The following ST18 variants were observed in gnomAD, a reference collection of about 807,000 sequenced individuals.
ST18 encodes the protein ST18 C2H2C-type zinc finger transcription factor, also known as suppression of tumorigenicity 18 protein.
A neutral mutation model predicts 110.0 loss-of-function variants in ST18; 50 were observed. The observed-to-expected ratio is 0.45, with a 90% CI of 0.36 to 0.58. The LOEUF is 0.58. Among genes scored for constraint, ST18 ranks in the 20% least tolerant of loss-of-function variants. The pLI is 0.00. For missense variants in ST18, 1,306 were observed against 1,280.1 expected, an observed-to-expected ratio of 1.02 and a Z score of -0.31; for synonymous variants, 461 against 452.4, an observed-to-expected ratio of 1.02 and a Z score of -0.24.
intron 14 of ST18, among the ~76,000 whole-genome samples, chr8:52,160,245 T>A (rs765259976): frequency 6.6e-6 from 1 of 152,188 alleles, no homozygotes; most frequent in Non-Finnish European, 1.5e-5. Flanking sequence ...TATAAAACTG[T>A]GTGTGTACAA....
chr8:52,373,557 A>G (rs1331191482), intron 2 of ST18, among the ~76,000 whole-genome samples: 1 of 151,790 alleles, frequency 6.6e-6, no homozygotes, highest in Admixed American at 6.6e-5. Flanking sequence ...ACTCCACACA[A>G]GCCAATTTCC....
At chr8:52,247,263 G>C (rs1343039759) in intron 2 of ST18, among the ~76,000 whole-genome samples, 1 of 152,112 alleles carries the variant, frequency 6.6e-6, no homozygotes, top group Non-Finnish European at 1.5e-5. Flanking sequence ...CTGTCAAGTA[G>C]ATAAAGCCAT....
chr8:52,226,306 G>A (rs1359479152), intron 3 of ST18, among the ~76,000 whole-genome samples: 1 of 152,030 alleles, frequency 6.6e-6, no homozygotes, highest in Non-Finnish European at 1.5e-5. Flanking sequence ...CTTTGGGGTG[G>A]CATTTTTAAC....
chr8:52,172,683 A>G, intron 9 of ST18, 100 bp from the exon 10 acceptor site: 1 of 848,980 alleles, frequency 1.2e-6, no homozygotes, highest in African/African-American at 1.7e-5. Flanking sequence ...ATTCACATAC[A>G]TAGGTACATA....
intron 17 of ST18, among the ~76,000 whole-genome samples, chr8:52,139,458 C>CG (rs1287064952): frequency 6.6e-6 from 1 of 152,012 alleles, no homozygotes; most frequent in East Asian, 1.9e-4. Context: ...TGGGCTCAAG[C>CG]GATTCTCCTG....
At position 52,361,366 on chromosome 8, in the gene ST18, G is replaced by A. The variant is rs188465128; in HGVS notation, c.-465+47962C>T. On this transcript the variant is annotated intron_variant, in intron 2 of 25. Transcript: ENST00000689386. The stretch of plus-strand genomic sequence containing the variant: ...GATGAATCACTAGAGTCTTGAGGGG[G>A]ATGGGAAAGTATTAGTGAAATCAGC... Among the ~76,000 whole-genome samples the A allele has an allele frequency of 7.3e-4, 111 of 152,310 alleles. 1 individual carries two copies. The highest frequency in any genetic ancestry group is 1.4e-3 in the Non-Finnish European group (93 of 68,026).
chr8:52,153,534 G>A (rs1346668937), intron 15 of ST18, among the ~76,000 whole-genome samples: 5 of 152,094 alleles, frequency 3.3e-5, no homozygotes, highest in African/African-American at 7.2e-5. Flanking sequence ...CTTACTAAAC[G>A]GTAATTATTA....
chr8:52,161,248 A>C, intron 14 of ST18, 127 bp downstream of exon 14: 1 of 898,486 alleles, frequency 1.1e-6, no homozygotes, highest in East Asian at 2.7e-5. Context: ...ACTTGAATAT[A>C]TTTTCTCTCC....
chr8:52,384,470 CAA>C (rs767647735), intron 2 of ST18, among the ~76,000 whole-genome samples: 2 of 152,070 alleles, frequency 1.3e-5, no homozygotes, highest in Non-Finnish European at 2.9e-5. Context: ...CACACACACA[CAA>C]TTTCTCACAC....
At chr8:52,311,604 G>A (rs62499828) in intron 2 of ST18, among the ~76,000 whole-genome samples, 17,996 of 152,270 alleles carry the variant, frequency 0.12, 1,431 homozygotes, top group Middle Eastern at 0.24. Context: ...CTGCATGGCT[G>A]GAAAAGCCTC....
chr8:52,136,535 G>A (rs2052406639), intron 19 of ST18, 55 bp downstream of exon 19: 25 of 1,534,978 alleles, frequency 1.6e-5, no homozygotes, highest in Middle Eastern at 3.4e-4. Flanking sequence ...GGCACTGAAC[G>A]AGAGGGTCCT....
At chr8:52,229,423 G>A (rs1175163248) in intron 3 of ST18, among the ~76,000 whole-genome samples, 1 of 152,168 alleles carries the variant, frequency 6.6e-6, no homozygotes, top group Admixed American at 6.5e-5. Context: ...ATAGGACTGA[G>A]GTCCCTGTTT....
At chr8:52,157,069 T>G (rs1048335138) in intron 15 of ST18, among the ~76,000 whole-genome samples, 1 of 152,172 alleles carries the variant, frequency 6.6e-6, no homozygotes, top group Non-Finnish European at 1.5e-5. Flanking sequence ...TGGCACAGAG[T>G]GCTCCCGCCA....
intron 15 of ST18, among the ~76,000 whole-genome samples, chr8:52,152,934 G>A (rs184066712): frequency 9.3e-4 from 142 of 152,278 alleles, no homozygotes; most frequent in African/African-American, 3.4e-3. Flanking sequence ...TTGTATCACT[G>A]ACAGCAGAGA....
At chr8:52,232,961 T>C (rs1433435084) in intron 2 of ST18, among the ~76,000 whole-genome samples, 1 of 152,010 alleles carries the variant, frequency 6.6e-6, no homozygotes, top group Non-Finnish European at 1.5e-5. Context: ...TGTAAGCACA[T>C]GAGAAAGATT....
In ST18 at chr8:52,124,860, A is replaced by ACGCTCG. The variant is rs200119068; in HGVS notation, c.2755+1191_2755+1192insCGAGCG. Among the ~76,000 whole-genome samples, 1,122 of 118,492 alleles carry ACGCTCG rather than the reference A, an allele frequency of 9.5e-3. 24 individuals are homozygous for ACGCTCG. Among genetic ancestry groups the ACGCTCG allele is most frequent in the African/African-American group, 0.053 (1,058 of 19,928 alleles). The allele number at this position is 118,492 out of a possible 152,430, so 77.7% of individuals were successfully genotyped here. On this transcript the variant is annotated intron_variant, in intron 23 of 25. Transcript: ENST00000689386. ...GAAGGCCTTGGAAGGAAACAGTAGG[A>ACGCTCG]AGCTTTCCCTCCCTTGGATACTGCA...
chr8:52,364,347 G>A (rs1379364464), intron 2 of ST18, among the ~76,000 whole-genome samples: 1 of 152,146 alleles, frequency 6.6e-6, no homozygotes, highest in Non-Finnish European at 1.5e-5. Flanking sequence ...AAAGGACTCT[G>A]GTTAATAGGA....
intron 9 of ST18, among the ~76,000 whole-genome samples, chr8:52,178,628 A>AG (rs2067913351): frequency 1.5e-5 from 2 of 129,670 alleles, no homozygotes; most frequent in African/African-American, 7.1e-5. Context: ...AAAAAAAAAA[A>AG]AAAAAAAAAA....
intron 2 of ST18, among the ~76,000 whole-genome samples, chr8:52,383,145 G>T (rs922890707): frequency 2.0e-5 from 3 of 152,130 alleles, no homozygotes; most frequent in Non-Finnish European, 4.4e-5. Flanking sequence ...AGAAGAGTAA[G>T]CTCAAAGGGT....
Sources: gnomAD v4.1 joint callset for allele counts (sites outside exome capture counted in the v4.1 genomes callset) on GRCh38, gnomAD v4.1.1 for gene constraint, MANE v1.5 for transcripts, NCBI Gene and HGNC (gene_info 2026-07-23, HGNC 2026-07-21) for gene names.